Variants in MROH1 observed in about 807,000 individuals in gnomAD.
The protein encoded by MROH1 is maestro heat-like repeat-containing protein family member 1.
Under a neutral mutation model 116.5 loss-of-function variants are expected in MROH1, and 117 were observed. The observed-to-expected ratio is 1.00, with a 90% CI of 0.86 to 1.17. The LOEUF (loss-of-function observed/expected upper bound fraction) is 1.17, where lower values mean the gene tolerates loss of function less well. Ranked by LOEUF, MROH1 falls within the 50% of genes most tolerant of loss-of-function variation. The pLI, the probability that MROH1 is intolerant of heterozygous loss-of-function variation, is 0.00. For missense variants in MROH1, 1,873 were observed against 1,338.5 expected (o/e 1.40, Z -6.23); for synonymous variants, 921 against 583.9 (o/e 1.58, Z -8.32).
intron 14 of MROH1, 61 bp downstream of exon 14, chr8:144,223,291 A>G: frequency 6.5e-7 from 1 of 1,537,578 alleles, no homozygotes; most frequent in Non-Finnish European, 8.8e-7. Flanking sequence ...TGTGTTAGGC[A>G]CTGGCATCAG....
At chr8:144,253,571 G>A (rs1186959468) in intron 33 of MROH1, among the ~76,000 whole-genome samples, 3 of 152,286 alleles carry the variant, frequency 2.0e-5, no homozygotes, top group East Asian at 3.9e-4. Context: ...TTGCTGGCGC[G>A]TGCTGTGTGC....
intron 1 of MROH1, among the ~76,000 whole-genome samples, chr8:144,152,555 AT>A (rs1554774004): frequency 2.4e-4 from 31 of 130,508 alleles, no homozygotes; most frequent in East Asian, 2.2e-4. Context: ...TATTATTATT[AT>A]TTTTTTTTTT....
chr8:144,193,367 G>A (rs966929078), intron 10 of MROH1: 15 of 152,278 alleles, frequency 9.9e-5, no homozygotes, highest in African/African-American at 3.6e-4. Flanking sequence ...ATGGTTTCAC[G>A]ACTGAGTTCT....
chr8:144,242,666 C>T, intron 24 of MROH1, 38 bp downstream of exon 24: 1 of 771,752 alleles, frequency 1.3e-6, no homozygotes. Context: ...ACTGGCTTCT[C>T]TCCTCTCGGC....
chr8:144,251,106 G>A (rs954012264), intron 33 of MROH1: 25 of 160,038 alleles, frequency 1.6e-4, no homozygotes, highest in Middle Eastern at 3.4e-3. Context: ...AGGCTGCCAC[G>A]GGGAACACAG....
intron 12 of MROH1, among the ~76,000 whole-genome samples, chr8:144,212,580 CTTTTTTTT>C (rs59225464): frequency 1.1e-4 from 5 of 47,200 alleles, no homozygotes; most frequent in Non-Finnish European, 1.8e-4. Flanking sequence ...TCTTCTGTTA[CTTTTTTTT>C]TTTTTTTTTT....
Position 144,255,506 on chromosome 8 carries a change from C to T in MROH1, c.3595-3C>T. The T allele has an allele frequency of 1.3e-6, 1 of 778,662 alleles. No homozygotes were observed. The highest frequency in any genetic ancestry group is 1.3e-5 in the South Asian group (1 of 74,510). 48.2% of individuals were successfully genotyped at this position (778,662 alleles called of 1,614,324 possible). ...CATGGCCCTGTGATGACTTCTCCCC[C>T]AGGCTACCTGTGCACTGTTTGAGGT... is the stretch of plus-strand genomic sequence containing the variant. On this transcript the variant is annotated splice_polypyrimidine_tract_variant and splice_region_variant and intron_variant, in intron 34 of 43. Transcript: ENST00000326134.
In MROH1 at chr8:144,261,205, C is replaced by T. The variant is rs1844980982; in HGVS notation, c.4763C>T (p.Pro1588Leu). 7.8e-6 allele frequency: 6 copies of T among 764,808 alleles called. No individual in the cohort carries two copies. The highest frequency in any genetic ancestry group is 6.8e-5 in the Admixed American group (4 of 59,004). The allele number at this position is 764,808 out of a possible 1,614,324, so 47.4% of individuals were successfully genotyped here. A position where few individuals can be genotyped will look rare whatever the true frequency, so the allele number is the denominator to read the frequency against. The change falls in exon 42 of 44, where the codon CCC (proline) becomes CTC (leucine). Residue 1588 changes from proline (P) to leucine (L), a missense_variant. By Grantham distance (98) the Pro-to-Leu change is moderately conservative. Transcript: ENST00000326134. ...TGGGAGAACGTCCGAGCTGCTGCAC[C>T]CCTGTTCACCGGTAAGCACCACCCC... ...SSWENVRAAA[P>L]LFTGFLVLHS...
Position 144,254,811 on chromosome 8 carries a change from A to C in MROH1, c.3429-2A>C. ...CAAAGTGACTCTCCTGCTCTGCTCC[A>C]GCCACACCTGCATGCTGTGGCGGGC... On this transcript the variant is annotated splice_acceptor_variant, in intron 33 of 43. Coordinates refer to ENST00000326134, the MANE Select transcript of MROH1 (RefSeq NM_032450.3). LOFTEE classifies it high-confidence loss of function. 1.3e-6 allele frequency: 1 copy of C among 776,618 alleles called. No individual in the cohort carries two copies. Among genetic ancestry groups the C allele is most frequent in the Non-Finnish European group, 2.4e-6 (1 of 417,500 alleles). The allele number at this position is 776,618 out of a possible 1,614,324, so 48.1% of individuals were successfully genotyped here. A position where few individuals can be genotyped will look rare whatever the true frequency, so the allele number is the denominator to read the frequency against.
chr8:144,153,824 G>A (rs1307022098), intron 1 of MROH1, among the ~76,000 whole-genome samples: 1 of 152,246 alleles, frequency 6.6e-6, no homozygotes, highest in East Asian at 1.9e-4. Context: ...GCAGTGGCAC[G>A]ATCTTGGCTC....
intron 7 of MROH1, among the ~76,000 whole-genome samples, chr8:144,181,236 GC>G (rs1318787029): frequency 3.0e-5 from 4 of 134,018 alleles, no homozygotes; most frequent in Non-Finnish European, 4.7e-5. Context: ...GCCCTCTGGG[GC>G]CGGGGGCCGT....
intron 4 of MROH1, 114 bp from the exon 5 acceptor site, chr8:144,179,341 G>A: frequency 1.4e-6 from 2 of 1,459,278 alleles, no homozygotes; most frequent in Non-Finnish European, 1.8e-6. Context: ...CTCCCCTCCT[G>A]CACTTGAGGC....
At chr8:144,156,260 A>AAAAAT (rs1818050123) in intron 1 of MROH1, among the ~76,000 whole-genome samples, 4 of 151,458 alleles carry the variant, frequency 2.6e-5, no homozygotes, top group Admixed American at 1.3e-4. Context: ...AAAAAAAAAA[A>AAAAAT]AAAAGTTGAG....
intron 14 of MROH1, among the ~76,000 whole-genome samples, chr8:144,224,466 A>G (rs916527895): frequency 6.6e-6 from 1 of 151,898 alleles, no homozygotes; most frequent in Non-Finnish European, 1.5e-5. Flanking sequence ...AGATCACACT[A>G]TGTTGCCCAG....
intron 13 of MROH1, 41 bp from the exon 14 acceptor site, chr8:144,223,066 CT>C: frequency 6.2e-7 from 1 of 1,610,512 alleles, no homozygotes; most frequent in East Asian, 2.2e-5. Flanking sequence ...GCATGGCAGT[CT>C]CTGCGTCCCC....
intron 1 of MROH1, among the ~76,000 whole-genome samples, chr8:144,154,800 G>A (rs921119929): frequency 6.6e-6 from 1 of 151,938 alleles, no homozygotes; most frequent in Admixed American, 6.6e-5. Flanking sequence ...AAGTAGCTGG[G>A]ATTACAGGCA....
intron 12 of MROH1, among the ~76,000 whole-genome samples, chr8:144,206,264 A>T (rs576522746): frequency 2.0e-5 from 3 of 152,246 alleles, no homozygotes; most frequent in Admixed American, 6.5e-5. Context: ...TTCCATGTAG[A>T]TGGGCTAGTT....
chr8:144,257,437 G>A (rs1012332319), intron 35 of MROH1, among the ~76,000 whole-genome samples: 15 of 152,138 alleles, frequency 9.9e-5, no homozygotes, highest in South Asian at 6.2e-4. Flanking sequence ...CGAGACCCCC[G>A]TGGCCCTCAG....
intron 12 of MROH1, among the ~76,000 whole-genome samples, chr8:144,218,563 C>G (rs1308017886): frequency 1.3e-5 from 2 of 151,352 alleles, no homozygotes; most frequent in Admixed American, 6.6e-5. Flanking sequence ...CTGTGTCCAC[C>G]ACAGTGGCTG....
Sources: allele counts gnomAD v4.1 joint callset (sites outside exome capture counted in the v4.1 genomes callset), GRCh38; gene constraint gnomAD v4.1.1; transcripts MANE v1.5; gene names NCBI Gene and HGNC (gene_info 2026-07-23, HGNC 2026-07-21).